The following MEI4 variants were observed in gnomAD, a reference collection of about 807,000 sequenced individuals.
MEI4 encodes meiosis-specific protein MEI4.
In MEI4, 27 loss-of-function variants were observed where a neutral mutation model predicts 31.4. That is an observed-to-expected ratio of 0.86 (90% CI 0.63 to 1.19). MEI4 has a LOEUF of 1.19. Ranked by LOEUF, MEI4 falls within the 50% of genes most tolerant of loss-of-function variation. The pLI, the probability that MEI4 is intolerant of heterozygous loss-of-function variation, is 0.00. For synonymous variants in MEI4, 122 were observed against 145.4 expected, an observed-to-expected ratio of 0.84 and a Z score of 1.16; for missense variants, 329 against 398.9, an observed-to-expected ratio of 0.82 and a Z score of 1.49.
At chr6:77,679,267 A>G (rs556237429) in intron 1 of MEI4, among the ~76,000 whole-genome samples, 1 of 152,350 alleles carries the variant, frequency 6.6e-6, no homozygotes, top group East Asian at 1.9e-4. Context: ...GGACTCACCC[A>G]GAACAACTTC....
chr6:77,669,577 A>G (rs1328369451), intron 1 of MEI4, among the ~76,000 whole-genome samples: 1 of 146,454 alleles, frequency 6.8e-6, no homozygotes, highest in Non-Finnish European at 1.5e-5. Context: ...ATACTGAACT[A>G]GTCTTAACTG....
rs1240381134 is a variant in MEI4, at chr6:77,742,530, G to C, written c.233-18600G>C. Among the ~76,000 whole-genome samples the C allele has an allele frequency of 3.9e-5, 6 of 152,254 alleles. No individual in the cohort carries two copies. The East Asian group carries it at 1.2e-3, about 29-fold the overall frequency. ...AGATTCTGGATATTAGCCCCTTGGT[G>C]AGATGAGTAGTTTGCGAAAATTTTC... is the stretch of plus-strand genomic sequence containing the variant. On this transcript the variant is annotated intron_variant, in intron 2 of 4. Coordinates refer to ENST00000684080, the MANE Select transcript of MEI4 (RefSeq NM_001322247.2).
chr6:77,917,021 T>G (rs1459647020), intron 4 of MEI4, among the ~76,000 whole-genome samples: 3 of 149,000 alleles, frequency 2.0e-5, no homozygotes, highest in African/African-American at 7.4e-5. Context: ...ATATGCGGTG[T>G]TTGGTTTTTT....
At chr6:77,777,444 C>T (rs1582131443) in intron 3 of MEI4, among the ~76,000 whole-genome samples, 2 of 152,196 alleles carry the variant, frequency 1.3e-5, no homozygotes, top group East Asian at 1.9e-4. Flanking sequence ...CCGCTTCTGC[C>T]TCAGGAAAGG....
intron 3 of MEI4, among the ~76,000 whole-genome samples, chr6:77,793,672 G>A (rs993132153): frequency 3.9e-5 from 6 of 152,124 alleles, no homozygotes; most frequent in Non-Finnish European, 5.9e-5. Context: ...GAGGTTAGAG[G>A]AGAAGTCAGT....
intron 2 of MEI4, among the ~76,000 whole-genome samples, chr6:77,744,963 A>G (rs566653954): frequency 6.6e-6 from 1 of 152,350 alleles, no homozygotes; most frequent in Non-Finnish European, 1.5e-5. Flanking sequence ...AGAGCTCCTG[A>G]AGGAAGCACT....
At chr6:77,730,161 G>T (rs2127666856) in intron 2 of MEI4, among the ~76,000 whole-genome samples, 1 of 152,284 alleles carries the variant, frequency 6.6e-6, no homozygotes, top group South Asian at 2.1e-4. Flanking sequence ...GGAGAGAGCT[G>T]TGTGTTTGGC....
intron 4 of MEI4, among the ~76,000 whole-genome samples, chr6:77,898,015 C>G (rs1289995490): frequency 6.6e-6 from 1 of 151,992 alleles, no homozygotes; most frequent in Non-Finnish European, 1.5e-5. Flanking sequence ...ATCATGAGCT[C>G]ATTGATTTTA....
intron 2 of MEI4, among the ~76,000 whole-genome samples, chr6:77,753,652 C>T (rs886284043): frequency 9.9e-5 from 15 of 152,066 alleles, no homozygotes; most frequent in Admixed American, 7.2e-4. Flanking sequence ...CACTGTTGGT[C>T]GGAGTGTAAA....
chr6:77,662,385 T>C (rs1768529010), intron 1 of MEI4, among the ~76,000 whole-genome samples: 1 of 151,928 alleles, frequency 6.6e-6, no homozygotes, highest in Non-Finnish European at 1.5e-5. Context: ...ATCAGAGAGA[T>C]GCAGTCATGA....
intron 1 of MEI4, among the ~76,000 whole-genome samples, chr6:77,664,499 G>A (rs958993654): frequency 5.3e-5 from 8 of 152,140 alleles, no homozygotes; most frequent in Non-Finnish European, 1.2e-4. Context: ...GTCACGGAAC[G>A]AAACTGTAAG....
At chr6:77,888,503 G>A (rs1047210083) in intron 4 of MEI4, among the ~76,000 whole-genome samples, 1 of 152,044 alleles carries the variant, frequency 6.6e-6, no homozygotes, top group Admixed American at 6.6e-5. Context: ...AAGCAGGACT[G>A]CCTTAAGTGT....
intron 4 of MEI4, among the ~76,000 whole-genome samples, chr6:77,858,448 G>T (rs1055286363): frequency 2.0e-5 from 3 of 152,056 alleles, no homozygotes; most frequent in Non-Finnish European, 4.4e-5. Context: ...TGTTAAATAA[G>T]ATTTAACTTA....
intron 3 of MEI4, among the ~76,000 whole-genome samples, chr6:77,822,785 AT>A (rs1329648669): frequency 1.6e-4 from 23 of 146,128 alleles, no homozygotes; most frequent in East Asian, 4.0e-4. Context: ...ACTCCTGGCT[AT>A]TTTTTTTTTG....
rs1766751479 is a variant in MEI4 at position 77,923,191 on chromosome 6, A to C, written c.1003A>C (p.Ser335Arg). The C allele has an allele frequency of 1.6e-6, 2 of 1,230,700 alleles. No individual in the cohort carries two copies. Among genetic ancestry groups the C allele is most frequent in the Non-Finnish European group, 2.0e-6 (2 of 986,976 alleles). 76.2% of individuals were successfully genotyped at this position (1,230,700 alleles called of 1,614,324 possible). ...GGAAACCGAAGAAGGCAACACTTCA[A>C]GTATAGGTCATGATGACCAAGAAAT... ...QKETEEGNTS[S>R]IGHDDQEIKK... is the part of the protein sequence containing the mutation. Residue 335 changes from serine (S) to arginine (R), a missense_variant, in exon 5 of 5, where the codon AGT becomes CGT. Coordinates refer to ENST00000684080, the MANE Select transcript of MEI4 (RefSeq NM_001322247.2).
chr6:77,669,558 C>T (rs913116130), intron 1 of MEI4, among the ~76,000 whole-genome samples: 11 of 150,790 alleles, frequency 7.3e-5, no homozygotes, highest in African/African-American at 1.5e-4. Context: ...TGTAAGACTT[C>T]AGTTTTGGAT....
intron 2 of MEI4, among the ~76,000 whole-genome samples, chr6:77,728,304 C>G (rs1452188933): frequency 6.6e-6 from 1 of 152,216 alleles, no homozygotes; most frequent in Non-Finnish European, 1.5e-5. Flanking sequence ...AGTCTGCTTA[C>G]TACTCATTAG....
intron 4 of MEI4, among the ~76,000 whole-genome samples, chr6:77,837,703 T>C (rs1465927066): frequency 6.6e-6 from 1 of 152,186 alleles, no homozygotes; most frequent in East Asian, 1.9e-4. Flanking sequence ...ATTCCTGGTA[T>C]ATATAAATCT....
intron 4 of MEI4, among the ~76,000 whole-genome samples, chr6:77,875,437 T>C (rs1158012630): frequency 1.3e-5 from 2 of 152,202 alleles, no homozygotes; most frequent in Non-Finnish European, 2.9e-5. Flanking sequence ...TCAGTGTTGT[T>C]TAACAATGGT....
Sources: allele counts gnomAD v4.1 joint callset (sites outside exome capture counted in the v4.1 genomes callset), GRCh38; gene constraint gnomAD v4.1.1; transcripts MANE v1.5; gene names NCBI Gene and HGNC (gene_info 2026-07-23, HGNC 2026-07-21).